The following PLXDC2 variants were observed in gnomAD, a reference collection of about 807,000 sequenced individuals.
PLXDC2 encodes the protein plexin domain-containing protein 2.
A neutral mutation model predicts 68.9 loss-of-function variants in PLXDC2; 40 were observed. The observed-to-expected ratio is 0.58, with a 90% CI of 0.45 to 0.76. The LOEUF (loss-of-function observed/expected upper bound fraction) is 0.76, where lower values mean the gene tolerates loss of function less well. PLXDC2 is among the 30% of genes least tolerant of loss of function. PLXDC2 has a pLI of 0.00. For missense variants in PLXDC2, 644 were observed against 661.9 expected, an observed-to-expected ratio of 0.97 and a Z score of 0.30; for synonymous variants, 243 against 234.2, an observed-to-expected ratio of 1.04 and a Z score of -0.34.
intron 1 of PLXDC2, among the ~76,000 whole-genome samples, chr10:19,950,144 T>C (rs187305517): frequency 1.3e-5 from 2 of 152,242 alleles, no homozygotes; most frequent in Admixed American, 1.3e-4. Flanking sequence ...ATATTCAAGA[T>C]ATTACTAATT....
At chr10:20,144,426 A>G (rs1007801013) in intron 5 of PLXDC2, among the ~76,000 whole-genome samples, 1 of 152,188 alleles carries the variant, frequency 6.6e-6, no homozygotes, top group Admixed American at 6.5e-5. Flanking sequence ...TCAAAATAGC[A>G]CAATGAGGAA....
intron 1 of PLXDC2, among the ~76,000 whole-genome samples, chr10:19,927,595 G>A (rs188892078): frequency 1.5e-3 from 233 of 151,500 alleles, no homozygotes; most frequent in African/African-American, 5.3e-3. Context: ...CCAGCTACTC[G>A]GGAGGCTGAG....
At chr10:20,157,599 C>G (rs553466771) in intron 6 of PLXDC2, among the ~76,000 whole-genome samples, 105 of 152,272 alleles carry the variant, frequency 6.9e-4, no homozygotes, top group African/African-American at 2.4e-3. Context: ...GAGAAAGATA[C>G]CACAGAGTGG....
At chr10:19,980,144 TTGATGGTG>T (rs1435123558) in intron 1 of PLXDC2, among the ~76,000 whole-genome samples, 52 of 152,348 alleles carry the variant, frequency 3.4e-4, no homozygotes, top group African/African-American at 1.2e-3. Context: ...GAATGTCTAT[TTGATGGTG>T]TGACTGCATT....
intron 12 of PLXDC2, among the ~76,000 whole-genome samples, chr10:20,228,061 T>C (rs113088391): frequency 0.019 from 2,819 of 152,086 alleles, 81 homozygotes; most frequent in African/African-American, 0.062. Flanking sequence ...GAATAGGAAA[T>C]ACAGGAAGAG....
At chr10:20,073,403 T>C (rs963990161) in intron 4 of PLXDC2, among the ~76,000 whole-genome samples, 4 of 152,220 alleles carry the variant, frequency 2.6e-5, no homozygotes, top group African/African-American at 7.2e-5. Flanking sequence ...TGTTTAACAA[T>C]ATAGACATAT....
chr10:20,260,885 A>G (rs76354959), intron 13 of PLXDC2, among the ~76,000 whole-genome samples: 13,725 of 152,236 alleles, frequency 0.09, 700 homozygotes, highest in Middle Eastern at 0.12. Context: ...AATAATATTC[A>G]TCCTACAGGT....
At chr10:20,040,964 A>T (rs1835671907) in intron 2 of PLXDC2, among the ~76,000 whole-genome samples, 1 of 152,164 alleles carries the variant, frequency 6.6e-6, no homozygotes, top group South Asian at 2.1e-4. Context: ...ATGAAACATT[A>T]GATAGTTATT....
At chr10:19,942,082 G>A (rs562298021) in intron 1 of PLXDC2, among the ~76,000 whole-genome samples, 2 of 152,200 alleles carry the variant, frequency 1.3e-5, no homozygotes, top group African/African-American at 4.8e-5. Flanking sequence ...TGAACTAAGG[G>A]GAAGATTTAT....
intron 6 of PLXDC2, among the ~76,000 whole-genome samples, chr10:20,163,134 G>A (rs989507373): frequency 1.1e-4 from 16 of 152,046 alleles, no homozygotes; most frequent in African/African-American, 3.9e-4. Context: ...GTGTGTTTCT[G>A]TTATCCAAAT....
chr10:19,855,214 C>T (rs1198321193), intron 1 of PLXDC2, among the ~76,000 whole-genome samples: 1 of 128,486 alleles, frequency 7.8e-6, no homozygotes, highest in African/African-American at 3.4e-5. Flanking sequence ...GTAATTAAAA[C>T]TCAAATACGA....
At chr10:20,120,859 G>T (rs1231400652) in intron 4 of PLXDC2, among the ~76,000 whole-genome samples, 1 of 152,152 alleles carries the variant, frequency 6.6e-6, no homozygotes, top group Non-Finnish European at 1.5e-5. Context: ...AGTGGCTTGT[G>T]CTATAGCATA....
At position 20,164,577 on chromosome 10, in the gene PLXDC2, A is replaced by G. The variant is rs1371729870; in HGVS notation, c.883+10A>G. On this transcript the variant is annotated intron_variant, in intron 7 of 13. Transcript: ENST00000377252. ...ATCCAACAAATTCCCAGTACGTAGAAGAAGGGCAGTCGCAATGAGTGAGCC... is the reference window on the plus strand; with the variant it reads ...ATCCAACAAATTCCCAGTACGTAGAGGAAGGGCAGTCGCAATGAGTGAGCC... 11 of 1,596,350 alleles carry G rather than the reference A, an allele frequency of 6.9e-6. No individual in the cohort carries two copies. Among genetic ancestry groups the G allele is most frequent in the Non-Finnish European group, 9.4e-6 (11 of 1,164,126 alleles).
intron 3 of PLXDC2, among the ~76,000 whole-genome samples, chr10:20,059,668 C>G (rs1050165269): frequency 6.6e-6 from 1 of 152,172 alleles, no homozygotes; most frequent in Admixed American, 6.5e-5. Context: ...TGATCAGCCC[C>G]TTTCCATGGA....
intron 4 of PLXDC2, among the ~76,000 whole-genome samples, chr10:20,122,053 T>C (rs1833705363): frequency 6.6e-6 from 1 of 151,552 alleles, no homozygotes; most frequent in African/African-American, 2.4e-5. Context: ...AGGCTTTGGA[T>C]TGGGAAGAAG....
At chr10:19,890,270 G>T (rs976479274) in intron 1 of PLXDC2, among the ~76,000 whole-genome samples, 2 of 151,932 alleles carry the variant, frequency 1.3e-5, no homozygotes, top group Non-Finnish European at 2.9e-5. Context: ...TTTAGATTCA[G>T]TGGGTATATG....
intron 1 of PLXDC2, among the ~76,000 whole-genome samples, chr10:19,852,586 C>A (rs1368340795): frequency 2.0e-5 from 3 of 151,890 alleles, no homozygotes; most frequent in Admixed American, 6.6e-5. Context: ...AGTTTTTCAG[C>A]CATGGTGATA....
chr10:19,911,017 A>AAAAAC (rs1281430975), intron 1 of PLXDC2, among the ~76,000 whole-genome samples: 4 of 151,736 alleles, frequency 2.6e-5, no homozygotes, highest in African/African-American at 9.7e-5. Flanking sequence ...TCAGAAAACA[A>AAAAAC]AAAACAAAAC....
intron 1 of PLXDC2, among the ~76,000 whole-genome samples, chr10:19,865,992 TC>T (rs1837407663): frequency 6.6e-6 from 1 of 151,920 alleles, no homozygotes; most frequent in South Asian, 2.1e-4. Flanking sequence ...ATTCACACTT[TC>T]CCCCCTCATT....
Sources: gnomAD v4.1 joint callset for allele counts (sites outside exome capture counted in the v4.1 genomes callset) on GRCh38, gnomAD v4.1.1 for gene constraint, MANE v1.5 for transcripts, NCBI Gene and HGNC (gene_info 2026-07-23, HGNC 2026-07-21) for gene names.